Variants in AOX1 observed in about 807,000 individuals in gnomAD.
AOX1 encodes the protein aldehyde oxidase 1.
Under a neutral mutation model 169.5 loss-of-function variants are expected in AOX1, and 153 were observed. That is an observed-to-expected ratio of 0.90 (90% CI 0.79 to 1.03). The LOEUF (loss-of-function observed/expected upper bound fraction) is 1.03. Among genes scored for constraint, AOX1 ranks in the 50% least tolerant of loss-of-function variants. The pLI, the probability that AOX1 is intolerant of heterozygous loss-of-function variation, is 0.00. For synonymous variants in AOX1, 562 were observed against 581.9 expected (o/e 0.97, Z 0.49); for missense variants, 1,656 against 1,663.9 (o/e 1.00, Z 0.08).
chr2:200,623,332 T>A (rs2034927391), intron 18 of AOX1, among the ~76,000 whole-genome samples: 1 of 152,370 alleles, frequency 6.6e-6, no homozygotes, highest in East Asian at 1.9e-4. Context: ...GGATGCTGTC[T>A]GCTTGGTCAC....
chr2:200,638,107 C>T lies in AOX1; in HGVS notation c.2481-108C>T. 4 of 900,116 alleles carry T rather than the reference C, an allele frequency of 4.4e-6. 1 individual carries two copies. Among genetic ancestry groups the T allele is most frequent in the Non-Finnish European group, 7.1e-6 (4 of 560,258 alleles). The allele number at this position is 900,116 out of a possible 1,614,324, so 55.8% of individuals were successfully genotyped here. On this transcript the variant is annotated intron_variant, in intron 22 of 34. Coordinates refer to ENST00000374700, the MANE Select transcript of AOX1 (RefSeq NM_001159.4). ...AGGCATGCGAAATAGTTGTGTTGTT[C>T]TGTGAGGCGTGTAGGCTCCACTCAG...
At chr2:200,618,809 T>A (rs2034821714) in intron 16 of AOX1, among the ~76,000 whole-genome samples, 2 of 152,178 alleles carry the variant, frequency 1.3e-5, no homozygotes, top group Admixed American at 1.3e-4. Context: ...TCTCCTCCAT[T>A]TGTGGGATTA....
intron 32 of AOX1, 120 bp from the exon 33 acceptor site, chr2:200,668,495 C>G (rs536980342): frequency 1.2e-5 from 10 of 852,006 alleles, no homozygotes; most frequent in African/African-American, 1.7e-5. Context: ...TCCAAGACAC[C>G]CTGAAAATGC....
At chr2:200,643,452 CATTG>C (rs1446885996) in intron 25 of AOX1, among the ~76,000 whole-genome samples, 1 of 151,882 alleles carries the variant, frequency 6.6e-6, no homozygotes, top group African/African-American at 2.4e-5. Context: ...TTTATCCACT[CATTG>C]ATTGGTGGGC....
At chr2:200,609,295 T>A (rs1243131630) in intron 11 of AOX1, 26 bp from the exon 12 acceptor site, 13 of 1,608,410 alleles carry the variant, frequency 8.1e-6, no homozygotes, top group Non-Finnish European at 1.1e-5. Context: ...ATTACATAAA[T>A]GAAAATAACT....
At chr2:200,659,858 C>T in intron 28 of AOX1, 137 bp from the exon 29 acceptor site, 1 of 644,232 alleles carries the variant, frequency 1.6e-6, no homozygotes, top group Non-Finnish European at 2.7e-6. Flanking sequence ...TTTCATATCA[C>T]CTTCATACAG....
intron 1 of AOX1, among the ~76,000 whole-genome samples, chr2:200,590,377 C>G (rs574464464): frequency 6.6e-6 from 1 of 152,298 alleles, no homozygotes; most frequent in African/African-American, 2.4e-5. Flanking sequence ...TGCAATGACC[C>G]TGACCTGAGA....
chr2:200,625,341 T>C (rs2034978211), intron 19 of AOX1, among the ~76,000 whole-genome samples: 1 of 152,142 alleles, frequency 6.6e-6, no homozygotes, highest in South Asian at 2.1e-4. Context: ...CTTTGCCCAA[T>C]ATCAGGGGCT....
At chr2:200,631,523 TA>T (rs1202271861) in intron 20 of AOX1, among the ~76,000 whole-genome samples, 2 of 152,270 alleles carry the variant, frequency 1.3e-5, no homozygotes, top group African/African-American at 4.8e-5. Context: ...TATTAAAATG[TA>T]AATATGCCTG....
intron 15 of AOX1, 35 bp from the exon 16 acceptor site, chr2:200,615,936 C>A (rs762232259): frequency 6.7e-7 from 1 of 1,500,560 alleles, no homozygotes; most frequent in Admixed American, 1.7e-5. Context: ...TGCATTCAAA[C>A]TATTTAAAAT....
At chr2:200,591,526 G>A (rs1283407972) in intron 1 of AOX1, among the ~76,000 whole-genome samples, 1 of 152,142 alleles carries the variant, frequency 6.6e-6, no homozygotes, top group Non-Finnish European at 1.5e-5. Context: ...TCATCCGTGT[G>A]GCCTGAGTTC....
At chr2:200,626,082 C>A (rs1444002323) in intron 19 of AOX1, among the ~76,000 whole-genome samples, 1 of 152,218 alleles carries the variant, frequency 6.6e-6, no homozygotes, top group Non-Finnish European at 1.5e-5. Flanking sequence ...GTGTGGTCAA[C>A]ATGGTTCTAG....
At position 200,595,286 on chromosome 2, in the gene AOX1, A is replaced by G; in HGVS notation, c.118A>G (p.Thr40Ala). The G allele has an allele frequency of 1.2e-6, 2 of 1,612,900 alleles. No homozygotes were observed. The highest frequency in any genetic ancestry group is 1.7e-6 in the Non-Finnish European group (2 of 1,179,186). ...ACCTCTTCCAGTTCGACTCACAGGA[A>G]CTAAGTATGGCTGTGGAGGAGGAGG... is the stretch of plus-strand genomic sequence containing the variant. ...YLRKKLRLTG[T>A]KYGCGGGGCG... Residue 40 changes from threonine to alanine, a missense_variant, in exon 3 of 35, where the codon ACT (threonine) becomes GCT (alanine). Physicochemically the swap from Thr to Ala is moderately conservative, Grantham distance 58. Transcript: ENST00000374700.
At chr2:200,597,259 A>T in intron 3 of AOX1, 138 bp from the exon 4 acceptor site, 1 of 520,242 alleles carries the variant, frequency 1.9e-6, no homozygotes, top group Non-Finnish European at 3.3e-6. Flanking sequence ...TGCCTGAGCT[A>T]AGGAGGAAAT....
chr2:200,658,852 A>G (rs536074506), intron 27 of AOX1, among the ~76,000 whole-genome samples: 1 of 152,328 alleles, frequency 6.6e-6, no homozygotes, highest in South Asian at 2.1e-4. Context: ...AGAAGCCTCA[A>G]AGATGTCAAT....
intron 8 of AOX1, 108 bp downstream of exon 8, chr2:200,604,205 C>A (rs1037538619): frequency 2.5e-6 from 2 of 795,280 alleles, no homozygotes; most frequent in African/African-American, 3.4e-5. Context: ...TAGGTGAGGC[C>A]TCTCTGTCAT....
intron 1 of AOX1, among the ~76,000 whole-genome samples, chr2:200,586,555 C>G (rs551255594): frequency 6.6e-6 from 1 of 152,340 alleles, no homozygotes; most frequent in South Asian, 2.1e-4. Flanking sequence ...TGAGAGCAGC[C>G]TACAGAAATG....
At position 200,670,801 on chromosome 2, in the gene AOX1, C is replaced by T; in HGVS notation, c.*122C>T. The T allele has an allele frequency of 1.3e-6, 1 of 745,750 alleles. No individual in the cohort carries two copies. Among genetic ancestry groups the T allele is most frequent in the Non-Finnish European group, 2.2e-6 (1 of 449,302 alleles). The allele number at this position is 745,750 out of a possible 1,614,324, so 46.2% of individuals were successfully genotyped here. A position where few individuals can be genotyped will look rare whatever the true frequency, so the allele number is the denominator to read the frequency against. On this transcript the variant is annotated 3_prime_UTR_variant, in exon 35 of 35. Coordinates refer to ENST00000374700, the MANE Select transcript of AOX1 (RefSeq NM_001159.4). ...TTTCCACAGTTCAGAAATCATCCCA[C>T]AGTGTTGCTTTTCTATGGAGCTGAT...
chr2:200,638,440 A>G (rs1305977787), intron 23 of AOX1, 138 bp downstream of exon 23: 18 of 714,154 alleles, frequency 2.5e-5, no homozygotes, highest in Non-Finnish European at 3.8e-5. Flanking sequence ...TTAACTTTCT[A>G]TTGGTTGCAC....
Sources: allele counts gnomAD v4.1 joint callset (sites outside exome capture counted in the v4.1 genomes callset), GRCh38; gene constraint gnomAD v4.1.1; transcripts MANE v1.5; gene names NCBI Gene and HGNC (gene_info 2026-07-23, HGNC 2026-07-21).